Variants in CEP350 observed in about 807,000 individuals in gnomAD.
The protein encoded by CEP350 is centrosomal protein 350, also known as centrosome-associated protein 350.
CEP350 carries 126 observed loss-of-function variants against 331.8 expected under a neutral mutation model. That is an observed-to-expected ratio of 0.38 (90% CI 0.33 to 0.44). CEP350 has a LOEUF of 0.44. CEP350 is among the 20% of genes least tolerant of loss of function. CEP350 has a pLI of 1.00. For synonymous variants in CEP350, 1,200 were observed against 1,259.5 expected (o/e 0.95, Z 1.00); for missense variants, 3,406 against 3,634.6 (o/e 0.94, Z 1.62).
chr1:180,020,222 C>A lies in CEP350; in HGVS notation c.2448C>A (p.Ser816Arg), dbSNP rs766926447. The change falls in exon 12 of 38, where the codon AGC becomes AGA. Residue 816 changes from serine (S) to arginine (R), a missense_variant. By Grantham distance (110) the Ser-to-Arg change is moderately radical. Transcript: ENST00000367607. ...YTDALLKPSA[S>R]QYKSKLDRIE... Reference sequence around the variant, plus strand: ...ATGCCTTGTTAAAACCTAGTGCCAGCCAATATAAGAGTAAACTGGATCGTA... The same window carrying A: ...ATGCCTTGTTAAAACCTAGTGCCAGACAATATAAGAGTAAACTGGATCGTA... 1 of 1,614,008 alleles carries A rather than the reference C, an allele frequency of 6.2e-7. No homozygotes were observed. The highest frequency in any genetic ancestry group is 1.7e-5 in the Admixed American group (1 of 60,026).
At chr1:180,057,979 G>A (rs972759533) in intron 25 of CEP350, among the ~76,000 whole-genome samples, 1 of 152,174 alleles carries the variant, frequency 6.6e-6, no homozygotes, top group African/African-American at 2.4e-5. Context: ...GATCTCCTGA[G>A]TCTCCTAGTT....
intron 8 of CEP350, among the ~76,000 whole-genome samples, chr1:180,009,284 A>G (rs1212857109): frequency 3.9e-5 from 6 of 152,266 alleles, no homozygotes; most frequent in African/African-American, 1.2e-4. Context: ...TTTTGGGATT[A>G]TAGGCGTGAG....
intron 22 of CEP350, among the ~76,000 whole-genome samples, chr1:180,049,782 T>A (rs1657368129): frequency 6.6e-6 from 1 of 152,202 alleles, no homozygotes; most frequent in Non-Finnish European, 1.5e-5. Flanking sequence ...GACCTCGTGA[T>A]CCGCCTGCCT....
intron 8 of CEP350, among the ~76,000 whole-genome samples, chr1:180,009,059 G>A (rs1186326100): frequency 1.3e-5 from 2 of 152,188 alleles, no homozygotes; most frequent in Non-Finnish European, 2.9e-5. Flanking sequence ...TCTGTCACTG[G>A]TGTACACTGG....
chr1:179,980,439 T>TG (rs1360385159), intron 1 of CEP350, among the ~76,000 whole-genome samples: 20 of 152,062 alleles, frequency 1.3e-4, no homozygotes, highest in Admixed American at 1.2e-3. Flanking sequence ...AATTTTTTTT[T>TG]GGTGGAGTCT....
Position 180,033,929 on chromosome 1 carries a change from T to C in CEP350, c.3793T>C (p.Ser1265Pro). ...TSPLSPSSQK[S>P]LQFDVAGTSS... ...TCCCCTGTCACCAAGTTCCCAGAAATCATTGCAGTTTGACGTTGCAGGAAC... is the reference window on the plus strand; with the variant it reads ...TCCCCTGTCACCAAGTTCCCAGAAACCATTGCAGTTTGACGTTGCAGGAAC... Residue 1265 changes from serine (S) to proline (P), a missense_variant, in exon 16 of 38, where the codon TCA becomes CCA. Transcript: ENST00000367607. 6.2e-7 allele frequency: 1 copy of C among 1,613,882 alleles called. No homozygotes were observed. The highest frequency in any genetic ancestry group is 1.6e-4 in the Middle Eastern group (1 of 6,062).
chr1:179,960,169 GAC>G (rs1276140411), intron 1 of CEP350, among the ~76,000 whole-genome samples: 1 of 151,684 alleles, frequency 6.6e-6, no homozygotes, highest in Non-Finnish European at 1.5e-5. Flanking sequence ...AGCATTTACA[GAC>G]ACACACACAC....
intron 14 of CEP350, among the ~76,000 whole-genome samples, chr1:180,027,302 G>A (rs1215082201): frequency 6.6e-6 from 1 of 152,076 alleles, no homozygotes; most frequent in Non-Finnish European, 1.5e-5. Context: ...CAGTAAATAT[G>A]GATTACCATT....
intron 32 of CEP350, among the ~76,000 whole-genome samples, chr1:180,089,424 A>G (rs1436691449): frequency 6.6e-6 from 1 of 152,054 alleles, no homozygotes; most frequent in Non-Finnish European, 1.5e-5. Context: ...CTCTACTAAA[A>G]CTAGAAAAAT....
chr1:180,031,031 T>C (rs1041765225), intron 14 of CEP350, among the ~76,000 whole-genome samples: 1 of 152,000 alleles, frequency 6.6e-6, no homozygotes, highest in Admixed American at 6.6e-5. Flanking sequence ...AGGGATAGAT[T>C]AGTATTTTAT....
chr1:180,093,734 T>A lies in CEP350; in HGVS notation c.7629T>A (p.Asp2543Glu). Residue 2543 changes from aspartate to glutamate, a missense_variant, in exon 34 of 38, where the codon GAT becomes GAA. This residue lies in a region of CEP350 where 1,415 missense variants were observed against 1,512.3 expected (regional missense o/e 0.94). Coordinates refer to ENST00000367607, the MANE Select transcript of CEP350 (RefSeq NM_014810.5). The stretch of plus-strand genomic sequence containing the variant: ...AAGGAAATAACAATGGAACATATGA[T>A]GGTATTGCATATTTTGAGTGCAAAG... ...KPEGNNNGTY[D>E]GIAYFECKEK... 1 of 1,613,954 alleles carries A rather than the reference T, an allele frequency of 6.2e-7. No individual in the cohort carries two copies. Among genetic ancestry groups the A allele is most frequent in the South Asian group, 1.1e-5 (1 of 91,086 alleles).
intron 8 of CEP350, among the ~76,000 whole-genome samples, chr1:180,007,036 T>TA (rs1228549242): frequency 6.6e-6 from 1 of 152,214 alleles, no homozygotes; most frequent in African/African-American, 2.4e-5. Context: ...TGGTTCCAAG[T>TA]CTTTGCTATT....
chr1:180,035,691 CAA>C (rs913059580), intron 16 of CEP350, among the ~76,000 whole-genome samples: 1 of 152,070 alleles, frequency 6.6e-6, no homozygotes, highest in African/African-American at 2.4e-5. Flanking sequence ...AGATTTTTTT[CAA>C]AGTGTTTTTT....
intron 16 of CEP350, among the ~76,000 whole-genome samples, chr1:180,036,360 CA>C (rs1392185260): frequency 6.6e-6 from 1 of 152,162 alleles, no homozygotes; most frequent in Non-Finnish European, 1.5e-5. Context: ...AGAGGTTCTA[CA>C]GAAAGTGGGT....
chr1:180,087,858 A>T, intron 32 of CEP350, 141 bp downstream of exon 32: 2 of 943,390 alleles, frequency 2.1e-6, no homozygotes, highest in Non-Finnish European at 1.4e-6. Flanking sequence ...TCAGTAAATT[A>T]AAATTGTTAC....
intron 16 of CEP350, among the ~76,000 whole-genome samples, chr1:180,034,464 T>G (rs931985266): frequency 2.0e-4 from 13 of 64,316 alleles, no homozygotes; most frequent in African/African-American, 5.6e-4. Context: ...TACTGCGGGG[T>G]TTTTTTGTCT....
chr1:180,043,555 A>G (rs116601682), intron 20 of CEP350, among the ~76,000 whole-genome samples: 4,620 of 152,294 alleles, frequency 0.03, 95 homozygotes, highest in Middle Eastern at 0.14. Context: ...GAATAGCTAG[A>G]TCAAAGGCCC....
In CEP350 at chr1:180,101,252, C is replaced by A. The variant is rs1047391069; in HGVS notation, c.9189+2267C>A. 2.6e-5 allele frequency among the ~76,000 whole-genome samples: 4 copies of A among 151,790 alleles called. No homozygotes were observed. In the East Asian group the frequency reaches 7.7e-4, roughly 29 times the overall value. ...TTAGCTTCCTACAGAGAGACCTGAC[C>A]TATATAACTTTTTGCATGAGCTCGT... is the stretch of plus-strand genomic sequence containing the variant. On this transcript the variant is annotated intron_variant, in intron 37 of 37. Transcript: ENST00000367607.
At chr1:180,069,526 G>C (rs1658762501) in intron 27 of CEP350, among the ~76,000 whole-genome samples, 1 of 152,152 alleles carries the variant, frequency 6.6e-6, no homozygotes, top group Non-Finnish European at 1.5e-5. Context: ...TGTAGTAGCT[G>C]AATAAATCCT....
Sources: gnomAD v4.1 joint callset for allele counts (sites outside exome capture counted in the v4.1 genomes callset) on GRCh38, gnomAD v4.1.1 for gene constraint, gnomAD v4.1.1 regional missense constraint, MANE v1.5 for transcripts, NCBI Gene and HGNC (gene_info 2026-07-23, HGNC 2026-07-21) for gene names.